BRI3: variants seen among roughly 807,000 people sequenced by gnomAD.
BRI3 encodes membrane protein BRI3.
In BRI3, 6 loss-of-function variants were observed where a neutral mutation model predicts 12.8. The ratio of observed to expected loss-of-function variants is 0.47; its 90% confidence interval spans 0.26 to 0.93. The LOEUF is 0.93. BRI3 is among the 40% of genes least tolerant of loss of function. The pLI is 0.15. For missense variants in BRI3, 134 were observed against 171.1 expected (o/e 0.78, Z 1.21); for synonymous variants, 91 against 76.1 (o/e 1.20, Z -1.02).
upstream of BRI3, among the ~76,000 whole-genome samples, chr7:98,303,174 C>T (rs1350881945): frequency 6.6e-6 from 1 of 152,202 alleles, no homozygotes. Context: ...GGTCTACGTT[C>T]CCAGACTCCT....
intron 2 of BRI3, among the ~76,000 whole-genome samples, chr7:98,290,529 C>T (rs956082487): frequency 1.0e-4 from 15 of 150,626 alleles, no homozygotes; most frequent in East Asian, 9.9e-4. Context: ...GATGGAGTCT[C>T]GCTCTGTCGC....
exon 2 of BRI3, chr7:98,308,072 T>C (rs531226180): frequency 1.4e-5 from 10 of 726,486 alleles, no homozygotes; most frequent in Non-Finnish European, 2.2e-5. Context: ...GAACAGGGAC[T>C]GTTGAGAAAC....
chr7:98,294,397 G>A (rs1800099808), downstream of BRI3, among the ~76,000 whole-genome samples: 1 of 152,188 alleles, frequency 6.6e-6, no homozygotes, highest in Admixed American at 6.5e-5. Context: ...AATTCACTTG[G>A]AAGAATAAGG....
chr7:98,312,382 G>A (rs1800906084), downstream of BRI3: 8 of 1,156,310 alleles, frequency 6.9e-6, no homozygotes, highest in South Asian at 7.9e-5. Context: ...GAGTGTGGGG[G>A]CCCTGGGTTA....
the BRI3 span, chr7:98,320,270 G>T: frequency 7.5e-6 from 12 of 1,609,544 alleles, no homozygotes; most frequent in Non-Finnish European, 1.0e-5. Flanking sequence ...GTTTCTTGTG[G>T]GTACTTGAAA....
upstream of BRI3, among the ~76,000 whole-genome samples, chr7:98,306,033 A>G (rs1271767678): frequency 2.0e-5 from 3 of 152,182 alleles, no homozygotes; most frequent in Non-Finnish European, 4.4e-5. Context: ...GCAGAAGACA[A>G]ACAGAGCACA....
chr7:98,306,371 G>T, upstream of BRI3: 1 of 1,563,148 alleles, frequency 6.4e-7, no homozygotes, highest in Non-Finnish European at 8.8e-7. Flanking sequence ...GCTAGATGGT[G>T]GTGTGTTACA....
chr7:98,311,417 G>A (rs539224949), downstream of BRI3, among the ~76,000 whole-genome samples: 95 of 149,530 alleles, frequency 6.4e-4, 1 homozygote, highest in African/African-American at 2.1e-3. Flanking sequence ...GGTGGCGGGC[G>A]CCTGTAGTCC....
chr7:98,293,870 C>A (rs142591357), downstream of BRI3, among the ~76,000 whole-genome samples: 3,617 of 152,344 alleles, frequency 0.024, 55 homozygotes, highest in South Asian at 0.051. Context: ...ACATGGGGGT[C>A]ACTCTGGGGT....
In BRI3 at chr7:98,291,275, A is replaced by C. The variant is rs1375907755; in HGVS notation, c.*32A>C. On this transcript the variant is annotated 3_prime_UTR_variant, in exon 3 of 3. Transcript: ENST00000297290. ...CACCAGGCCCGGCTTTCCTACACCC[A>C]GCTCTCTTTTTCTAATGTAAATGTT... 1 of 1,611,092 alleles carries C rather than the reference A, an allele frequency of 6.2e-7. No individual in the cohort carries two copies. The highest frequency in any genetic ancestry group is 8.5e-7 in the Non-Finnish European group (1 of 1,179,434).
intron 2 of BRI3, among the ~76,000 whole-genome samples, chr7:98,284,602 G>A (rs1356329247): frequency 6.6e-6 from 1 of 152,222 alleles, no homozygotes; most frequent in East Asian, 1.9e-4. Flanking sequence ...CCCAGGTCCA[G>A]CCCGCCGGGC....
chr7:98,317,159 C>A, the BRI3 span: 323 of 1,610,496 alleles, frequency 2.0e-4, 1 homozygote, highest in African/African-American at 3.9e-3. Flanking sequence ...GGCTAACCTC[C>A]TCTTAAACTG....
intron 1 of BRI3, among the ~76,000 whole-genome samples, chr7:98,301,013 G>A (rs971438278): frequency 1.5e-4 from 23 of 152,182 alleles, no homozygotes; most frequent in Non-Finnish European, 4.4e-5. Flanking sequence ...CCACCCCTGC[G>A]TGGGTCTCAT....
upstream of BRI3, among the ~76,000 whole-genome samples, chr7:98,305,681 C>T (rs975393373): frequency 3.9e-5 from 6 of 152,152 alleles, no homozygotes; most frequent in African/African-American, 1.4e-4. Context: ...CCTCCATCTC[C>T]CAAAGTGCTG....
intron 1 of BRI3, among the ~76,000 whole-genome samples, chr7:98,298,549 T>C (rs966054848): frequency 3.3e-5 from 5 of 150,572 alleles, no homozygotes; most frequent in East Asian, 2.0e-4. Flanking sequence ...GGAGGTGGAG[T>C]TTGCAGTGAG....
At chr7:98,320,349 T>C in the BRI3 span, 2 of 1,423,968 alleles carry the variant, frequency 1.4e-6, no homozygotes, top group Non-Finnish European at 1.9e-6. Flanking sequence ...TATTTTTTTG[T>C]TTTGAAATGG....
chr7:98,303,379 T>TC, upstream of BRI3, among the ~76,000 whole-genome samples: 1 of 152,186 alleles, frequency 6.6e-6, no homozygotes, highest in South Asian at 2.1e-4. Context: ...CCCAGCCTCC[T>TC]CCCCTTCACC....
chr7:98,306,378 T>C (rs1266736078), upstream of BRI3: 2 of 1,588,028 alleles, frequency 1.3e-6, no homozygotes, highest in South Asian at 1.1e-5. Flanking sequence ...GGTGGTGTGT[T>C]ACAGAAACGA....
At chr7:98,298,440 A>G (rs556397156) in intron 1 of BRI3, among the ~76,000 whole-genome samples, 3 of 152,264 alleles carry the variant, frequency 2.0e-5, no homozygotes, top group Admixed American at 2.0e-4. Flanking sequence ...GTGAAACCCC[A>G]TCTCTAATAA....
Sources: gnomAD v4.1 joint callset for allele counts (sites outside exome capture counted in the v4.1 genomes callset) on GRCh38, gnomAD v4.1.1 for gene constraint, MANE v1.5 for transcripts, NCBI Gene and HGNC (gene_info 2026-07-23, HGNC 2026-07-21) for gene names.